PIP5K1B: variants seen among roughly 807,000 people sequenced by gnomAD.
The protein encoded by PIP5K1B is phosphatidylinositol 4-phosphate 5-kinase type-1 beta.
Under a neutral mutation model 67.0 loss-of-function variants are expected in PIP5K1B, and 42 were observed. The ratio of observed to expected loss-of-function variants is 0.63; its 90% CI spans 0.49 to 0.81. The LOEUF (loss-of-function observed/expected upper bound fraction) is 0.81. Ranked by LOEUF, PIP5K1B falls within the 30% of genes least tolerant of loss-of-function variation. PIP5K1B has a pLI of 0.00. For missense variants in PIP5K1B, 459 were observed against 646.3 expected, an observed-to-expected ratio of 0.71 and a Z score of 3.14; for synonymous variants, 214 against 231.4, an observed-to-expected ratio of 0.92 and a Z score of 0.68.
chr9:68,988,703 G>A (rs1830215113), intron 14 of PIP5K1B, among the ~76,000 whole-genome samples: 1 of 151,878 alleles, frequency 6.6e-6, no homozygotes, highest in South Asian at 2.1e-4. Flanking sequence ...TGCCCGCCTT[G>A]GCCTCCCAAA....
chr9:68,996,291 G>C (rs868518555), intron 15 of PIP5K1B, among the ~76,000 whole-genome samples: 35 of 152,136 alleles, frequency 2.3e-4, no homozygotes, highest in African/African-American at 8.2e-4. Context: ...GCAGCTAATT[G>C]TTCCATCATC....
chr9:68,950,398 G>A (rs1041625333), intron 14 of PIP5K1B, among the ~76,000 whole-genome samples: 5 of 152,056 alleles, frequency 3.3e-5, no homozygotes, highest in South Asian at 2.1e-4. Context: ...TGCAAATTTC[G>A]TCTCACCCTA....
At chr9:68,844,307 G>A (rs1288922467) in intron 4 of PIP5K1B, among the ~76,000 whole-genome samples, 2 of 152,196 alleles carry the variant, frequency 1.3e-5, no homozygotes, top group African/African-American at 4.8e-5. Flanking sequence ...GGGGTCAGAG[G>A]TCTGGGCTGC....
intron 5 of PIP5K1B, among the ~76,000 whole-genome samples, chr9:68,864,606 C>A (rs867110655): frequency 5.9e-5 from 9 of 152,194 alleles, no homozygotes; most frequent in South Asian, 2.1e-4. Context: ...TGCCACAAAA[C>A]TGTACACTTA....
At chr9:68,772,346 A>G (rs1830706054) in intron 2 of PIP5K1B, among the ~76,000 whole-genome samples, 1 of 152,224 alleles carries the variant, frequency 6.6e-6, no homozygotes, top group Admixed American at 6.5e-5. Flanking sequence ...TTTGTCAGGC[A>G]CAGCCAAACA....
chr9:68,968,711 A>AT (rs201070672), intron 14 of PIP5K1B, among the ~76,000 whole-genome samples: 2,156 of 138,864 alleles, frequency 0.016, 24 homozygotes, highest in Non-Finnish European at 0.022. Context: ...ATATATATAT[A>AT]TATATTTTTT....
intron 2 of PIP5K1B, among the ~76,000 whole-genome samples, chr9:68,763,064 CAGA>C (rs777252903): frequency 6.6e-6 from 1 of 152,056 alleles, no homozygotes; most frequent in Non-Finnish European, 1.5e-5. Flanking sequence ...AATAAGAGCA[CAGA>C]AGAAGGGAGC....
intron 14 of PIP5K1B, among the ~76,000 whole-genome samples, chr9:68,945,952 T>A (rs1258241527): frequency 6.6e-6 from 1 of 152,214 alleles, no homozygotes; most frequent in Non-Finnish European, 1.5e-5. Context: ...AGAGACAGAA[T>A]GTTCAAACAC....
chr9:68,765,295 T>C (rs1177028191), intron 2 of PIP5K1B, among the ~76,000 whole-genome samples: 2 of 152,132 alleles, frequency 1.3e-5, no homozygotes, highest in African/African-American at 2.4e-5. Context: ...GTCTTTTCCA[T>C]GGAGCAGTTG....
intron 14 of PIP5K1B, among the ~76,000 whole-genome samples, chr9:68,978,107 C>T (rs984637244): frequency 2.6e-5 from 4 of 152,134 alleles, no homozygotes; most frequent in Non-Finnish European, 5.9e-5. Flanking sequence ...AGCCAATTAA[C>T]ATATCTATCA....
chr9:68,735,316 C>CTTTTTTTTTTTT (rs558810934), intron 1 of PIP5K1B, among the ~76,000 whole-genome samples: 414 of 29,800 alleles, frequency 0.014, 109 homozygotes, highest in Non-Finnish European at 0.016. Context: ...CCCCTAGTGT[C>CTTTTTTTTTTTT]TTTTTTTTTT....
intron 14 of PIP5K1B, among the ~76,000 whole-genome samples, chr9:68,956,385 A>G (rs10115155): frequency 0.29 from 44,109 of 152,162 alleles, 7,616 homozygotes; most frequent in East Asian, 0.52. Context: ...CAGGAGAATC[A>G]CTTGAACCCC....
intron 1 of PIP5K1B, among the ~76,000 whole-genome samples, chr9:68,723,598 G>A (rs953920440): frequency 6.7e-6 from 1 of 149,586 alleles, no homozygotes. Context: ...GATTAGTGAT[G>A]TTGAGCATTT....
At chr9:68,879,904 C>T (rs1344026995) in intron 6 of PIP5K1B, among the ~76,000 whole-genome samples, 1 of 152,012 alleles carries the variant, frequency 6.6e-6, no homozygotes, top group East Asian at 1.9e-4. Context: ...CTTAATTGAG[C>T]CATTCCACAA....
rs543445275 is a variant in PIP5K1B, at chr9:68,965,575, G to A, written c.1502+24785G>A. The A allele has an allele frequency of 7.2e-5, 11 of 152,306 alleles. No homozygotes were observed. In the South Asian group the frequency reaches 2.3e-3, roughly 32 times the overall value. 9.4% of individuals were successfully genotyped at this position (152,306 alleles called of 1,614,324 possible). ...GAATTAACTGTAAAGTGATACAAGA[G>A]CTTTGTGTTTAAGGATGAGAAGGTT... On this transcript the variant is annotated intron_variant, in intron 14 of 15. Transcript: ENST00000265382.
In PIP5K1B at chr9:68,920,803, TAC is replaced by T. The variant is rs59573461; in HGVS notation, c.1116+1101_1116+1102del. 6.1e-3 allele frequency among the ~76,000 whole-genome samples: 865 copies of T among 140,868 alleles called. 4 individuals carry two copies. The highest frequency in any genetic ancestry group is 5.4e-3 in the Non-Finnish European group (350 of 64,776). 92.4% of individuals were successfully genotyped at this position (140,868 alleles called of 152,430 possible). ...TCTCTCTCACACACATACACACACA[TAC>T]ACACACACACACACACACACACACA... is the stretch of plus-strand genomic sequence containing the variant. On this transcript the variant is annotated intron_variant, in intron 11 of 15. Coordinates refer to ENST00000265382, the MANE Select transcript of PIP5K1B (RefSeq NM_003558.4).
intron 6 of PIP5K1B, among the ~76,000 whole-genome samples, chr9:68,878,795 T>C (rs1824026114): frequency 6.6e-6 from 1 of 152,134 alleles, no homozygotes; most frequent in African/African-American, 2.4e-5. Context: ...TTCTCTTTGT[T>C]GGGGTGATGA....
chr9:68,927,381 C>G (rs147298886), intron 12 of PIP5K1B, among the ~76,000 whole-genome samples: 31 of 152,346 alleles, frequency 2.0e-4, no homozygotes, highest in African/African-American at 7.2e-4. Context: ...ATTTTACAAT[C>G]CCACCAGCAA....
At chr9:68,802,854 G>A (rs1832676273) in intron 2 of PIP5K1B, among the ~76,000 whole-genome samples, 1 of 152,198 alleles carries the variant, frequency 6.6e-6, no homozygotes, top group East Asian at 1.9e-4. Context: ...AAACCTCTGA[G>A]GTTTGCCCTG....
Sources: allele counts gnomAD v4.1 joint callset (sites outside exome capture counted in the v4.1 genomes callset), GRCh38; gene constraint gnomAD v4.1.1; transcripts MANE v1.5; gene names NCBI Gene and HGNC (gene_info 2026-07-23, HGNC 2026-07-21).